The following SLC66A1 variants were observed in gnomAD, a reference collection of about 807,000 sequenced individuals.
SLC66A1 encodes the protein lysosomal amino acid transporter 1 homolog.
Under a neutral mutation model 33.0 loss-of-function variants are expected in SLC66A1, and 23 were observed. The observed-to-expected ratio is 0.70, with a 90% CI of 0.50 to 0.99. SLC66A1 has a LOEUF of 0.99. SLC66A1 is among the 50% of genes least tolerant of loss of function. The pLI is 0.00. For synonymous variants in SLC66A1, 164 were observed against 175.5 expected, an observed-to-expected ratio of 0.93 and a Z score of 0.52; for missense variants, 335 against 383.6, an observed-to-expected ratio of 0.87 and a Z score of 1.06.
chr1:19,315,832 G>A (rs2073098), intron 1 of SLC66A1, among the ~76,000 whole-genome samples: 41,363 of 152,022 alleles, frequency 0.27, 5,890 homozygotes, highest in South Asian at 0.33. Flanking sequence ...GAGCAGGGGT[G>A]TAGGTCTGAG....
At chr1:19,332,340 G>A (rs573006851), downstream of SLC66A1, among the ~76,000 whole-genome samples, 18 of 152,304 alleles carry the variant, frequency 1.2e-4, no homozygotes, top group Admixed American at 3.3e-4. Flanking sequence ...GAACATAGCC[G>A]TGATCAAGAT....
intron 2 of SLC66A1, among the ~76,000 whole-genome samples, chr1:19,322,779 G>T (rs2093844398): frequency 6.6e-6 from 1 of 152,206 alleles, no homozygotes; most frequent in Admixed American, 6.5e-5. Flanking sequence ...CTGGGGCCTT[G>T]CAAGGATCCC....
At chr1:19,320,712 G>GGATAT (rs1558148720) in intron 2 of SLC66A1, among the ~76,000 whole-genome samples, 14 of 141,496 alleles carry the variant, frequency 9.9e-5, no homozygotes, top group African/African-American at 4.0e-4. Context: ...ACCGCACCTG[G>GGATAT]CCTCACTTCT....
intron 2 of SLC66A1, 149 bp from the exon 3 acceptor site, chr1:19,324,484 C>T (rs1277146050): frequency 9.6e-6 from 9 of 937,394 alleles, no homozygotes; most frequent in South Asian, 1.6e-5. Flanking sequence ...CTGAGGATCC[C>T]GCCCGTGGGG....
chr1:19,323,105 G>A (rs2093846226), intron 2 of SLC66A1, among the ~76,000 whole-genome samples: 1 of 151,024 alleles, frequency 6.6e-6, no homozygotes, highest in African/African-American at 2.4e-5. Context: ...TCTTGAACTT[G>A]TAGGCTCAAG....
intron 7 of SLC66A1, 147 bp downstream of exon 7, chr1:19,327,559 C>CCCCCCCCCCCT: frequency 9.8e-7 from 1 of 1,016,106 alleles, no homozygotes. Flanking sequence ...CTCCCTCCAT[C>CCCCCCCCCCCT]TGTTCACCCA....
At chr1:19,313,606 TATCTC>T (rs1332022740) in intron 1 of SLC66A1, among the ~76,000 whole-genome samples, 1 of 152,184 alleles carries the variant, frequency 6.6e-6, no homozygotes, top group African/African-American at 2.4e-5. Context: ...TGAGTCTTCT[TATCTC>T]ATGACCAGGC....
At chr1:19,333,918 CAAAACAAAACAAAACAA>C (rs1558159205), downstream of SLC66A1, among the ~76,000 whole-genome samples, 1 of 151,492 alleles carries the variant, frequency 6.6e-6, no homozygotes, top group Non-Finnish European at 1.5e-5. This position sits in a 1 kb window ranked among gnomAD's most constrained non-coding sequence, Gnocchi z 4.2. Context: ...CAAAACAAAA[CAAAACAAAACAAAACAA>C]AACACAGGAA....
At position 19,324,485 on chromosome 1, in the gene SLC66A1, G is replaced by A. The variant is rs79929769; in HGVS notation, c.165-148G>A. On this transcript the variant is annotated intron_variant, in intron 2 of 7. Transcript: ENST00000375153. ...GGCCGAGAAGGCTTCTGAGGATCCCGCCCGTGGGGAGGATGGGCCGCCAGG... is the reference window on the plus strand; with the variant it reads ...GGCCGAGAAGGCTTCTGAGGATCCCACCCGTGGGGAGGATGGGCCGCCAGG... 6.0e-3 allele frequency: 5,631 copies of A among 942,814 alleles called. 226 individuals are homozygous for A. In the African/African-American group the frequency reaches 0.081, roughly 14 times the overall value. The allele number at this position is 942,814 out of a possible 1,614,324, so 58.4% of individuals were successfully genotyped here.
At chr1:19,333,100 C>T (rs902043123), downstream of SLC66A1, among the ~76,000 whole-genome samples, 3 of 152,192 alleles carry the variant, frequency 2.0e-5, no homozygotes, top group Non-Finnish European at 4.4e-5. The surrounding 1 kb of genome is among the most constrained non-coding windows in gnomAD (Gnocchi z 4.2). Context: ...TAGCTGGTGG[C>T]GTTCTCCAGC....
chr1:19,314,275 C>T (rs2093793750), intron 1 of SLC66A1, among the ~76,000 whole-genome samples: 1 of 152,214 alleles, frequency 6.6e-6, no homozygotes, highest in Admixed American at 6.5e-5. Context: ...CACCCAGTAT[C>T]CTGGATCCAT....
chr1:19,319,372 C>T (rs1285708611), intron 2 of SLC66A1, among the ~76,000 whole-genome samples: 2 of 152,190 alleles, frequency 1.3e-5, no homozygotes, highest in African/African-American at 2.4e-5. Context: ...TTTCATGATT[C>T]ATATAAATGG....
chr1:19,325,968 G>T (rs954567767), intron 4 of SLC66A1, among the ~76,000 whole-genome samples: 2 of 152,196 alleles, frequency 1.3e-5, no homozygotes, highest in Admixed American at 1.3e-4. Context: ...ATACAGACAC[G>T]GGGAGGGACC....
At chr1:19,314,231 G>A (rs998968214) in intron 1 of SLC66A1, among the ~76,000 whole-genome samples, 1 of 152,178 alleles carries the variant, frequency 6.6e-6, no homozygotes, top group African/African-American at 2.4e-5. Flanking sequence ...GCTCCACATT[G>A]CACATGGGTC....
At chr1:19,323,024 G>T (rs912245445) in intron 2 of SLC66A1, among the ~76,000 whole-genome samples, 2 of 152,036 alleles carry the variant, frequency 1.3e-5, no homozygotes, top group Admixed American at 6.6e-5. Flanking sequence ...TGGGACCACA[G>T]GTCCCCACTC....
intron 2 of SLC66A1, among the ~76,000 whole-genome samples, chr1:19,321,169 C>CTTTT (rs71577887): frequency 0.018 from 1,462 of 82,000 alleles, 119 homozygotes; most frequent in Non-Finnish European, 0.022. Flanking sequence ...CTTATCTCTT[C>CTTTT]TTTTTTTTTT....
intron 2 of SLC66A1, among the ~76,000 whole-genome samples, chr1:19,324,238 A>G (rs752759959): frequency 3.3e-5 from 5 of 152,212 alleles, no homozygotes; most frequent in Admixed American, 6.5e-5. Context: ...TCTTGTTGCA[A>G]TGCCCTTCCC....
In SLC66A1 at chr1:19,312,531, C is replaced by G. The variant is rs1478119649; in HGVS notation, c.-437C>G. ...GGCTCCGGGCCGGGACTGGGTGGCC[C>G]TCGGGAATCCGCAGCCAGTGGCCCC... is the stretch of plus-strand genomic sequence containing the variant. On this transcript the variant is annotated 5_prime_UTR_variant, in exon 1 of 8. Coordinates refer to ENST00000375153, the MANE Select transcript of SLC66A1 (RefSeq NM_001040125.2). 6.5e-6 allele frequency: 1 copy of G among 154,790 alleles called. No homozygotes were observed. The highest frequency in any genetic ancestry group is 2.4e-5 in the African/African-American group (1 of 41,586). 9.6% of individuals were successfully genotyped at this position (154,790 alleles called of 1,614,324 possible).
At chr1:19,325,638 T>TGGG (rs1294675966) in intron 4 of SLC66A1, 56 bp downstream of exon 4, 27 of 826,700 alleles carry the variant, frequency 3.3e-5, no homozygotes, top group Middle Eastern at 3.4e-4. Flanking sequence ...GGGGCAGTTG[T>TGGG]GGGGGGGGGC....
Sources: gnomAD v4.1 joint callset for allele counts (sites outside exome capture counted in the v4.1 genomes callset) on GRCh38, gnomAD v4.1.1 for gene constraint, Gnocchi (gnomAD v3.1) non-coding constraint, MANE v1.5 for transcripts, NCBI Gene and HGNC (gene_info 2026-07-23, HGNC 2026-07-21) for gene names.